Variants in COL10A1 observed in about 807,000 individuals in gnomAD.
COL10A1 encodes collagen type X alpha 1 chain.
COL10A1 carries 10 observed loss-of-function variants against 18.2 expected under a neutral mutation model. That is an observed-to-expected ratio of 0.55 (90% confidence interval 0.34 to 0.93). COL10A1 has a LOEUF of 0.93. Ranked by LOEUF, COL10A1 falls within the 40% of genes least tolerant of loss-of-function variation. The probability of loss-of-function intolerance (pLI) is 0.02; values close to 1 mark genes in which losing one functional copy is unlikely to be tolerated. For synonymous variants in COL10A1, 330 were observed against 316.6 expected (o/e 1.04, Z -0.45); for missense variants, 897 against 853.5 (o/e 1.05, Z -0.64).
At chr6:116,205,294 G>C in the COL10A1 span, among the ~76,000 whole-genome samples, 2 of 151,840 alleles carry the variant, frequency 1.3e-5, no homozygotes, top group African/African-American at 4.8e-5. Flanking sequence ...AATGATACTA[G>C]GGACCAGAAA....
At chr6:116,167,206 ATTTTTTTTTTTTTT>A in the COL10A1 span, among the ~76,000 whole-genome samples, 38 of 87,816 alleles carry the variant, frequency 4.3e-4, no homozygotes, top group African/African-American at 1.9e-3. Context: ...CAAATAGAAG[ATTTTTTTTTTTTTT>A]TTTTTTTTTT....
intron 1 of COL10A1, among the ~76,000 whole-genome samples, chr6:116,136,748 TAAC>T (rs1368434799): frequency 1.3e-5 from 2 of 152,202 alleles, no homozygotes; most frequent in African/African-American, 4.8e-5. Context: ...TTATCACAGA[TAAC>T]AATAAGCTAT....
upstream of COL10A1, among the ~76,000 whole-genome samples, chr6:116,162,588 A>G (rs1025844861): frequency 2.6e-5 from 4 of 152,090 alleles, no homozygotes; most frequent in Non-Finnish European, 5.9e-5. Context: ...ATTGATTTGC[A>G]TATGTTGAAC....
rs147386614 is a variant in COL10A1 at position 116,140,947 on chromosome 6, T to C, written c.-15-15440A>G. Among the ~76,000 whole-genome samples the C allele has an allele frequency of 8.7e-3, 1,327 of 152,302 alleles. 21 individuals are homozygous for C. The highest frequency in any genetic ancestry group is 0.03 in the African/African-American group (1,266 of 41,548). ...TTCTTGTACATGTTTCCTGGCTGCA[T>C]GCAAAAGAATCTTTCTAGGAAGTAT... On this transcript the variant is annotated intron_variant, in intron 1 of 1. Coordinates refer to the COL10A1 transcript ENST00000418500.
intron 1 of COL10A1, among the ~76,000 whole-genome samples, chr6:116,151,313 A>G (rs1780031309): frequency 6.6e-6 from 1 of 152,206 alleles, no homozygotes; most frequent in African/African-American, 2.4e-5. Context: ...CATACATGCA[A>G]GTGCATTTTT....
chr6:116,133,145 G>T (rs1405880032), intron 1 of COL10A1, among the ~76,000 whole-genome samples: 3 of 152,082 alleles, frequency 2.0e-5, no homozygotes, highest in Admixed American at 2.0e-4. Context: ...AGTTTCGTGC[G>T]CCAAGTGCTT....
the COL10A1 span, among the ~76,000 whole-genome samples, chr6:116,172,884 T>A: frequency 1.3e-5 from 2 of 152,164 alleles, no homozygotes; most frequent in African/African-American, 4.8e-5. Context: ...TAAGATAGGA[T>A]GTTTCAGGAT....
At chr6:116,206,770 T>C in the COL10A1 span, among the ~76,000 whole-genome samples, 15,365 of 152,056 alleles carry the variant, frequency 0.1, 1,300 homozygotes, top group African/African-American at 0.23. Context: ...ACATTTTCTT[T>C]GCCATAGTTT....
At chr6:116,177,015 A>G in the COL10A1 span, among the ~76,000 whole-genome samples, 2 of 152,230 alleles carry the variant, frequency 1.3e-5, no homozygotes, top group Admixed American at 1.3e-4. Context: ...GGGCACATAT[A>G]TGCTACAAAA....
the COL10A1 span, among the ~76,000 whole-genome samples, chr6:116,177,112 C>G: frequency 6.6e-6 from 1 of 152,116 alleles, no homozygotes; most frequent in Non-Finnish European, 1.5e-5. Context: ...AGTATAAATA[C>G]TAGTGTCTCA....
intron 1 of COL10A1, among the ~76,000 whole-genome samples, chr6:116,133,658 G>T (rs926218915): frequency 6.6e-6 from 1 of 151,926 alleles, no homozygotes. Context: ...GCCCTTGTCT[G>T]TTTAGCCATT....
chr6:116,145,901 C>T (rs1336316347), intron 1 of COL10A1, among the ~76,000 whole-genome samples: 1 of 152,190 alleles, frequency 6.6e-6, no homozygotes, highest in Admixed American at 6.5e-5. Flanking sequence ...TTGAGAGCAG[C>T]AAACACCTGT....
At chr6:116,209,681 C>T in the COL10A1 span, among the ~76,000 whole-genome samples, 6 of 151,472 alleles carry the variant, frequency 4.0e-5, no homozygotes, top group South Asian at 2.1e-4. Context: ...TAATTTTAGA[C>T]GTTTATTTGG....
intron 1 of COL10A1, among the ~76,000 whole-genome samples, chr6:116,154,634 T>G (rs1253894912): frequency 1.3e-5 from 2 of 150,160 alleles, no homozygotes; most frequent in Non-Finnish European, 3.0e-5. Context: ...TGGTGTTTAT[T>G]TGGTAAACTT....
chr6:116,173,490 A>T, the COL10A1 span, among the ~76,000 whole-genome samples: 1 of 152,050 alleles, frequency 6.6e-6, no homozygotes, highest in Non-Finnish European at 1.5e-5. Context: ...GTCCCTTTAG[A>T]GCAGAGAGCT....
the COL10A1 span, among the ~76,000 whole-genome samples, chr6:116,165,891 A>G: frequency 6.6e-6 from 1 of 152,180 alleles, no homozygotes; most frequent in Non-Finnish European, 1.5e-5. Context: ...TTCCCCATGC[A>G]GGGTAGTAGC....
At chr6:116,151,613 T>C (rs1780040718) in intron 1 of COL10A1, among the ~76,000 whole-genome samples, 1 of 152,234 alleles carries the variant, frequency 6.6e-6, no homozygotes, top group South Asian at 2.1e-4. Context: ...GAGAATGCAG[T>C]ACATGCAAAT....
chr6:116,214,876 A>G, the COL10A1 span, among the ~76,000 whole-genome samples: 10 of 152,076 alleles, frequency 6.6e-5, no homozygotes, highest in African/African-American at 7.2e-5. Flanking sequence ...GACTCAAGCA[A>G]CTCTAAGATT....
At chr6:116,187,445 A>G in the COL10A1 span, among the ~76,000 whole-genome samples, 1 of 152,108 alleles carries the variant, frequency 6.6e-6, no homozygotes, top group Non-Finnish European at 1.5e-5. Flanking sequence ...CTGTCCTACA[A>G]GACACTAGCA....
Sources: gnomAD v4.1 joint callset for allele counts (sites outside exome capture counted in the v4.1 genomes callset) on GRCh38, gnomAD v4.1.1 for gene constraint, MANE v1.5 for transcripts, NCBI Gene and HGNC (gene_info 2026-07-23, HGNC 2026-07-21) for gene names.